HS3ST3A1: variants seen among roughly 807,000 people sequenced by gnomAD.
HS3ST3A1 encodes heparan sulfate glucosamine 3-O-sulfotransferase 3A1.
In HS3ST3A1, 19 loss-of-function variants were observed where a neutral mutation model predicts 25.7. That is an observed-to-expected ratio of 0.74 (90% CI 0.52 to 1.08). The LOEUF (loss-of-function observed/expected upper bound fraction) is 1.08. Ranked by LOEUF, HS3ST3A1 falls within the 50% of genes least tolerant of loss-of-function variation. The pLI is 0.00. For missense variants in HS3ST3A1, 459 were observed against 594.3 expected (o/e 0.77, Z 2.37); for synonymous variants, 226 against 278.6 (o/e 0.81, Z 1.88).
intron 1 of HS3ST3A1, among the ~76,000 whole-genome samples, chr17:13,499,992 A>T (rs953867937): frequency 6.6e-6 from 1 of 152,190 alleles, no homozygotes; most frequent in African/African-American, 2.4e-5. Context: ...TTGTAACAGG[A>T]CTCACAACAG....
chr17:13,556,863 A>G (rs1490955396), intron 1 of HS3ST3A1, among the ~76,000 whole-genome samples: 6 of 152,044 alleles, frequency 3.9e-5, no homozygotes, highest in South Asian at 4.2e-4. Context: ...AAAAAAAAAA[A>G]AAAGCAAGAT....
chr17:13,532,880 T>C (rs1378174873), intron 1 of HS3ST3A1, among the ~76,000 whole-genome samples: 3 of 116,900 alleles, frequency 2.6e-5, no homozygotes, highest in Non-Finnish European at 3.4e-5. Context: ...TACATATACG[T>C]GTGTGTGTGT....
intron 1 of HS3ST3A1, among the ~76,000 whole-genome samples, chr17:13,578,805 T>A (rs779831341): frequency 3.3e-5 from 5 of 152,190 alleles, no homozygotes; most frequent in Admixed American, 6.5e-5. Context: ...AGAGATCATG[T>A]CAATATAAGC....
Position 13,494,897 on chromosome 17 carries a change from C to A in HS3ST3A1, c.*1300G>T, listed in dbSNP as rs1905227503. Among the ~76,000 whole-genome samples the A allele has an allele frequency of 6.6e-6, 1 of 152,002 alleles. No individual in the cohort carries two copies. The highest frequency in any genetic ancestry group is 6.6e-5 in the Admixed American group (1 of 15,254). The stretch of plus-strand genomic sequence containing the variant: ...TCCTAGAATATTTTTCCAAATATTA[C>A]TGAACATTAGGTTATAAATGGTATA... On this transcript the variant is annotated 3_prime_UTR_variant, in exon 2 of 2. Transcript: ENST00000284110.
chr17:13,538,850 C>A (rs935299765), intron 1 of HS3ST3A1, among the ~76,000 whole-genome samples: 1 of 152,226 alleles, frequency 6.6e-6, no homozygotes, highest in East Asian at 1.9e-4. Context: ...AATCTCTTGG[C>A]CAACTAACTG....
intron 1 of HS3ST3A1, among the ~76,000 whole-genome samples, chr17:13,547,931 G>T (rs1379745576): frequency 7.7e-6 from 1 of 129,382 alleles, no homozygotes; most frequent in Admixed American, 7.9e-5. Flanking sequence ...TTGGAGAATT[G>T]GTTGGTGTGA....
At chr17:13,583,306 T>C (rs1180442493) in intron 1 of HS3ST3A1, among the ~76,000 whole-genome samples, 1 of 152,220 alleles carries the variant, frequency 6.6e-6, no homozygotes, top group Non-Finnish European at 1.5e-5. Context: ...CTCTTTTCTC[T>C]TCCCCTTTTG....
chr17:13,592,731 T>C (rs998502063), intron 1 of HS3ST3A1, among the ~76,000 whole-genome samples: 14 of 152,328 alleles, frequency 9.2e-5, no homozygotes, highest in African/African-American at 3.1e-4. Context: ...AAAACTATTT[T>C]TACAGTTGTT....
intron 1 of HS3ST3A1, among the ~76,000 whole-genome samples, chr17:13,560,289 CAAA>C (rs10632927): frequency 5.1e-3 from 88 of 17,348 alleles, no homozygotes; most frequent in Non-Finnish European, 7.0e-3. Context: ...CACTCGTCTC[CAAA>C]AAAAAAAAAA....
intron 1 of HS3ST3A1, among the ~76,000 whole-genome samples, 192 bp downstream of exon 1, chr17:13,600,339 C>T (rs899272662): frequency 4.6e-5 from 7 of 152,112 alleles, no homozygotes; most frequent in Non-Finnish European, 1.0e-4. Context: ...GAATTTCCCT[C>T]CCACTCTCTC....
At position 13,555,246 on chromosome 17, in the gene HS3ST3A1, G is replaced by A. The variant is rs116246466; in HGVS notation, c.599+45285C>T. ...TCCATTCCACTCCAGGAAGTCTTTC[G>A]CAAACCCTTGTTTTTATAAACCTAC... On this transcript the variant is annotated intron_variant, in intron 1 of 1. Transcript: ENST00000284110. Among the ~76,000 whole-genome samples the A allele has an allele frequency of 3.4e-3, 521 of 152,100 alleles. 3 individuals carry two copies. Among genetic ancestry groups the A allele is most frequent in the African/African-American group, 0.012 (499 of 41,488 alleles).
intron 1 of HS3ST3A1, among the ~76,000 whole-genome samples, chr17:13,559,698 A>G (rs1326230810): frequency 6.6e-6 from 1 of 151,796 alleles, no homozygotes; most frequent in Admixed American, 6.6e-5. Flanking sequence ...GGAAATGAAC[A>G]TGTTCCTACC....
chr17:13,549,393 A>G (rs894043913), intron 1 of HS3ST3A1, among the ~76,000 whole-genome samples: 34 of 152,352 alleles, frequency 2.2e-4, no homozygotes, highest in African/African-American at 7.7e-4. Context: ...CAGCAAGACC[A>G]AGAACCCACC....
At chr17:13,524,528 G>A (rs1267513926) in intron 1 of HS3ST3A1, among the ~76,000 whole-genome samples, 3 of 152,130 alleles carry the variant, frequency 2.0e-5, no homozygotes, top group Admixed American at 2.0e-4. Context: ...TTACAGGTGT[G>A]CGCCATTGAG....
intron 1 of HS3ST3A1, among the ~76,000 whole-genome samples, chr17:13,552,637 C>G (rs574159890): frequency 6.6e-6 from 1 of 152,260 alleles, no homozygotes; most frequent in African/African-American, 2.4e-5. Context: ...ACGTCTTTCT[C>G]CAGAACTCTG....
chr17:13,565,683 T>C (rs1415054148), intron 1 of HS3ST3A1, among the ~76,000 whole-genome samples: 1 of 152,272 alleles, frequency 6.6e-6, no homozygotes, highest in Non-Finnish European at 1.5e-5. Context: ...ACAGCTCGTT[T>C]GGATGGATGA....
chr17:13,591,020 C>T (rs1194011869), intron 1 of HS3ST3A1, among the ~76,000 whole-genome samples: 2 of 150,850 alleles, frequency 1.3e-5, no homozygotes, highest in Admixed American at 6.6e-5. Flanking sequence ...AAGCGTCCTT[C>T]TGATTACATT....
chr17:13,512,386 C>A (rs1461382093), intron 1 of HS3ST3A1, among the ~76,000 whole-genome samples: 1 of 150,346 alleles, frequency 6.7e-6, no homozygotes, highest in Admixed American at 6.6e-5. Context: ...TGACAGAAAG[C>A]AGATTAGTTG....
intron 1 of HS3ST3A1, among the ~76,000 whole-genome samples, chr17:13,510,283 C>T (rs150584693): frequency 1.3e-5 from 2 of 152,278 alleles, no homozygotes; most frequent in African/African-American, 2.4e-5. Context: ...GCAGCTGCTT[C>T]GGAACAGAGA....
Sources: allele counts gnomAD v4.1 joint callset (sites outside exome capture counted in the v4.1 genomes callset), GRCh38; gene constraint gnomAD v4.1.1; transcripts MANE v1.5; gene names NCBI Gene and HGNC (gene_info 2026-07-23, HGNC 2026-07-21).